Variants in SDC2 observed in about 807,000 individuals in gnomAD.
SDC2 encodes the protein syndecan-2.
Under a neutral mutation model 22.2 loss-of-function variants are expected in SDC2, and 13 were observed. The observed-to-expected ratio is 0.59, with a 90% CI of 0.38 to 0.93. The LOEUF (loss-of-function observed/expected upper bound fraction) is 0.93. Ranked by LOEUF, SDC2 falls within the 40% of genes least tolerant of loss-of-function variation. SDC2 has a pLI of 0.00. For missense variants in SDC2, 235 were observed against 246.8 expected (o/e 0.95, Z 0.32); for synonymous variants, 94 against 92.8 (o/e 1.01, Z -0.07).
chr8:96,599,284 C>T (rs908762462), intron 2 of SDC2, among the ~76,000 whole-genome samples: 6 of 152,028 alleles, frequency 3.9e-5, no homozygotes, highest in African/African-American at 1.4e-4. Flanking sequence ...GGATTTTCTA[C>T]GTTACAAATC....
chr8:96,592,972 G>A (rs1038913154), intron 1 of SDC2, among the ~76,000 whole-genome samples: 5 of 152,348 alleles, frequency 3.3e-5, no homozygotes, highest in African/African-American at 1.2e-4. Flanking sequence ...TCTCTCATCT[G>A]TAGCGGTAAA....
At chr8:96,512,062 G>C (rs2130442427) in intron 1 of SDC2, among the ~76,000 whole-genome samples, 1 of 152,298 alleles carries the variant, frequency 6.6e-6, no homozygotes, top group Non-Finnish European at 1.5e-5. Flanking sequence ...CTCCCAGCCA[G>C]GAGACAGAGT....
At chr8:96,582,969 T>C (rs1466271075) in intron 1 of SDC2, among the ~76,000 whole-genome samples, 1 of 152,152 alleles carries the variant, frequency 6.6e-6, no homozygotes, top group African/African-American at 2.4e-5. Context: ...ATATCCATTT[T>C]ATTAGACCTT....
chr8:96,587,430 C>T (rs1327519607), intron 1 of SDC2, among the ~76,000 whole-genome samples: 2 of 152,192 alleles, frequency 1.3e-5, no homozygotes, highest in Non-Finnish European at 2.9e-5. Flanking sequence ...ACAGTATGTG[C>T]TTATAAGTCA....
chr8:96,516,271 G>A (rs188300855), intron 1 of SDC2, among the ~76,000 whole-genome samples: 1 of 152,308 alleles, frequency 6.6e-6, no homozygotes, highest in African/African-American at 2.4e-5. Flanking sequence ...AATGCAAAAT[G>A]TGACACTGAG....
intron 2 of SDC2, among the ~76,000 whole-genome samples, chr8:96,601,160 T>A (rs1343270833): frequency 6.6e-6 from 1 of 152,142 alleles, no homozygotes; most frequent in African/African-American, 2.4e-5. Context: ...TGCTAGGAAG[T>A]TCTTCTACTA....
At chr8:96,549,329 A>G (rs1813987854) in intron 1 of SDC2, among the ~76,000 whole-genome samples, 2 of 152,080 alleles carry the variant, frequency 1.3e-5, no homozygotes, top group Admixed American at 6.6e-5. Flanking sequence ...TTGAATGACA[A>G]CCTCCCTGAG....
At chr8:96,567,892 C>T (rs1355554344) in intron 1 of SDC2, among the ~76,000 whole-genome samples, 5 of 152,156 alleles carry the variant, frequency 3.3e-5, no homozygotes, top group Non-Finnish European at 7.3e-5. Context: ...TATTATAACT[C>T]CTGTAGAATG....
At chr8:96,602,661 A>C in intron 3 of SDC2, 133 bp downstream of exon 3, 1 of 933,034 alleles carries the variant, frequency 1.1e-6, no homozygotes. Context: ...TGTACACAAC[A>C]GTTCTTTTAA....
intron 1 of SDC2, among the ~76,000 whole-genome samples, chr8:96,583,835 T>C (rs538562932): frequency 1.3e-5 from 2 of 152,142 alleles, no homozygotes; most frequent in African/African-American, 4.8e-5. Context: ...TGGTATATGA[T>C]TTTTAATGGC....
intron 1 of SDC2, among the ~76,000 whole-genome samples, chr8:96,520,830 CT>C (rs2130459235): frequency 6.6e-6 from 1 of 152,288 alleles, no homozygotes; most frequent in South Asian, 2.1e-4. Flanking sequence ...CCTTGTGCCC[CT>C]GGGGGAACCT....
intron 1 of SDC2, among the ~76,000 whole-genome samples, chr8:96,585,560 A>G (rs537241278): frequency 1.3e-5 from 2 of 152,140 alleles, no homozygotes; most frequent in South Asian, 4.1e-4. Context: ...ATCCTGTTTT[A>G]TGTGTTGTGA....
intron 1 of SDC2, among the ~76,000 whole-genome samples, chr8:96,585,853 G>GTTTT (rs199970598): frequency 1.2e-4 from 17 of 145,470 alleles, no homozygotes; most frequent in East Asian, 7.1e-4. Flanking sequence ...CTGGCAAGAG[G>GTTTT]TTTTTTTTTT....
intron 1 of SDC2, among the ~76,000 whole-genome samples, chr8:96,558,645 C>A (rs987022258): frequency 1.3e-5 from 2 of 152,076 alleles, no homozygotes; most frequent in Non-Finnish European, 2.9e-5. Context: ...CAATTCTTTC[C>A]ATTGTAATCC....
chr8:96,501,295 CTTTTTT>C (rs35998270), intron 1 of SDC2, among the ~76,000 whole-genome samples: 2 of 55,160 alleles, frequency 3.6e-5, no homozygotes, highest in African/African-American at 7.2e-5. Context: ...ATACGTATTT[CTTTTTT>C]TTTTTTTTTT....
At chr8:96,602,750 C>A (rs1460888982) in intron 3 of SDC2, among the ~76,000 whole-genome samples, 1 of 152,162 alleles carries the variant, frequency 6.6e-6, no homozygotes, top group Non-Finnish European at 1.5e-5. Flanking sequence ...TCTTTTTGAT[C>A]ATTTTGGCAT....
chr8:96,512,569 T>C (rs187866430), intron 1 of SDC2, among the ~76,000 whole-genome samples: 9 of 152,210 alleles, frequency 5.9e-5, no homozygotes, highest in East Asian at 3.9e-4. Flanking sequence ...CCTTTGTGAA[T>C]TGGCATTTAG....
intron 1 of SDC2, among the ~76,000 whole-genome samples, chr8:96,589,887 G>A (rs1432951043): frequency 6.6e-6 from 1 of 152,248 alleles, no homozygotes; most frequent in Non-Finnish European, 1.5e-5. Flanking sequence ...CCAACATGAT[G>A]AGTTAGCCAG....
intron 1 of SDC2, among the ~76,000 whole-genome samples, chr8:96,560,977 G>A (rs917301833): frequency 4.6e-5 from 7 of 152,082 alleles, no homozygotes; most frequent in African/African-American, 7.2e-5. Context: ...ATAGTGGCAC[G>A]CCTGTAATCC....
Sources: gnomAD v4.1 joint callset for allele counts (sites outside exome capture counted in the v4.1 genomes callset) on GRCh38, gnomAD v4.1.1 for gene constraint, MANE v1.5 for transcripts, NCBI Gene and HGNC (gene_info 2026-07-23, HGNC 2026-07-21) for gene names.